Variants in TRPM3 observed in about 807,000 individuals in gnomAD.
The protein encoded by TRPM3 is transient receptor potential cation channel subfamily M member 3, also known as long transient receptor potential channel 3.
TRPM3 carries 77 observed loss-of-function variants against 181.2 expected under a neutral mutation model. The observed-to-expected ratio is 0.42, with a 90% CI of 0.35 to 0.51. The LOEUF is 0.51. Among genes scored for constraint, TRPM3 ranks in the 20% least tolerant of loss-of-function variants. TRPM3 has a pLI of 0.01. For synonymous variants in TRPM3, 745 were observed against 796.4 expected (o/e 0.94, Z 1.09); for missense variants, 1,759 against 2,196.7 (o/e 0.80, Z 3.98).
intron 1 of TRPM3, among the ~76,000 whole-genome samples, chr9:70,970,989 G>A (rs1253237000): frequency 2.0e-5 from 3 of 152,134 alleles, no homozygotes; most frequent in East Asian, 3.9e-4. Flanking sequence ...ACCAATCCAA[G>A]CCTAAACTGG....
intron 1 of TRPM3, among the ~76,000 whole-genome samples, chr9:71,106,256 T>C (rs1440269834): frequency 6.6e-6 from 1 of 152,196 alleles, no homozygotes; most frequent in Non-Finnish European, 1.5e-5. Flanking sequence ...TGATATGATT[T>C]GGATATTTGT....
chr9:71,358,216 A>G (rs2091988598), intron 1 of TRPM3, among the ~76,000 whole-genome samples: 2 of 152,184 alleles, frequency 1.3e-5, no homozygotes, highest in African/African-American at 4.8e-5. Context: ...TTTGCTATCA[A>G]TCATAATCAT....
In TRPM3 at chr9:70,784,107, G is replaced by A. The variant is rs763120705; in HGVS notation, c.1146C>T (p.Gly382=). 14 of 1,612,256 alleles carry A rather than the reference G, an allele frequency of 8.7e-6. No homozygotes were observed. The highest frequency in any genetic ancestry group is 1.1e-5 in the South Asian group (1 of 90,926). The part of the protein sequence containing the change: ...LAFGHKYSEE[G]GLINESLRDQ... Reference sequence around the variant, plus strand: ...ATGGGGCCTGGAAAGTTACCTACCCGCCTTCTTCTGAGTATTTATGCCCAA... The same window carrying A: ...ATGGGGCCTGGAAAGTTACCTACCCACCTTCTTCTGAGTATTTATGCCCAA... The change falls in exon 7 of 26, where the codon GGC becomes GGT. Residue 382 remains glycine, a splice_region_variant and synonymous_variant. Transcript: ENST00000677713.
intron 9 of TRPM3, among the ~76,000 whole-genome samples, chr9:70,644,733 AG>A (rs2133660026): frequency 6.6e-6 from 1 of 152,318 alleles, no homozygotes; most frequent in East Asian, 1.9e-4. Flanking sequence ...GAAAGAAATA[AG>A]GGGTATTCAA....
chr9:71,228,902 C>G (rs2080867974), intron 1 of TRPM3, among the ~76,000 whole-genome samples: 1 of 152,042 alleles, frequency 6.6e-6, no homozygotes, highest in Admixed American at 6.6e-5. Flanking sequence ...CAAACACAAT[C>G]TAAAGATTCA....
chr9:70,848,216 T>C (rs1384407396), intron 3 of TRPM3, among the ~76,000 whole-genome samples: 1 of 152,144 alleles, frequency 6.6e-6, no homozygotes, highest in Non-Finnish European at 1.5e-5. Flanking sequence ...GAACTTCTAG[T>C]AATTAAAATG....
chr9:71,268,636 C>T (rs2083555235), intron 1 of TRPM3, among the ~76,000 whole-genome samples: 1 of 151,728 alleles, frequency 6.6e-6, no homozygotes, highest in Non-Finnish European at 1.5e-5. Flanking sequence ...ACCAGCCTTG[C>T]CAACATGGTG....
chr9:70,905,086 T>C (rs921119866), intron 1 of TRPM3, among the ~76,000 whole-genome samples: 2 of 152,202 alleles, frequency 1.3e-5, no homozygotes, highest in African/African-American at 4.8e-5. Context: ...ATGACTCCCA[T>C]CAATCATGGA....
chr9:71,029,235 C>T (rs1339266379), intron 1 of TRPM3, among the ~76,000 whole-genome samples: 1 of 152,170 alleles, frequency 6.6e-6, no homozygotes, highest in Non-Finnish European at 1.5e-5. Context: ...TATCCAAATT[C>T]ACAGACCTAA....
intron 1 of TRPM3, among the ~76,000 whole-genome samples, chr9:71,249,730 C>T (rs2082232360): frequency 6.6e-6 from 1 of 152,070 alleles, no homozygotes. Flanking sequence ...TCCCAAAGAC[C>T]TTCTCTTTAG....
At chr9:70,686,376 T>C (rs533039376) in intron 8 of TRPM3, among the ~76,000 whole-genome samples, 1 of 152,370 alleles carries the variant, frequency 6.6e-6, no homozygotes, top group East Asian at 1.9e-4. Flanking sequence ...TATATGCACA[T>C]GGGTGAGTAT....
At chr9:70,819,653 T>C (rs1187154485) in intron 6 of TRPM3, among the ~76,000 whole-genome samples, 2 of 152,306 alleles carry the variant, frequency 1.3e-5, no homozygotes, top group East Asian at 3.9e-4. Flanking sequence ...TCAATTAATA[T>C]TGCAAAATAG....
In TRPM3 at chr9:71,272,778, A is replaced by G. The variant is rs148510737; in HGVS notation, c.183+173875T>C. On this transcript the variant is annotated intron_variant, in intron 1 of 24. Coordinates refer to the TRPM3 transcript ENST00000357533. ...ATTACTTATATTTATGCCCTATGTA[A>G]AAAGAACTCAAATGCATAATTCTAG... Among the ~76,000 whole-genome samples the G allele has an allele frequency of 5.3e-4, 80 of 152,242 alleles. 1 individual carries two copies. The East Asian group carries it at 0.011, about 21-fold the overall frequency.
chr9:70,536,854 T>C lies in TRPM3; in HGVS notation c.4259A>G (p.Asp1420Gly). The change falls in exon 26 of 26, where the codon GAT becomes GGT. Residue 1420 changes from aspartate (D) to glycine (G), a missense_variant. Asp to Gly is a moderately conservative substitution (Grantham distance 94). Transcript: ENST00000677713. ...AGGGTCTATATCACAGTGGAGCTCA[T>C]CCATAGCAGAGACATAGATGTCTAT... The part of the protein sequence containing the change: ...SCIDIYVSAM[D>G]ELHCDIDPLD... The C allele has an allele frequency of 6.2e-7, 1 of 1,614,168 alleles. No individual in the cohort carries two copies. The highest frequency in any genetic ancestry group is 1.1e-5 in the South Asian group (1 of 91,078).
intron 1 of TRPM3, among the ~76,000 whole-genome samples, chr9:71,357,696 G>A (rs1324423510): frequency 6.6e-6 from 1 of 150,486 alleles, no homozygotes; most frequent in Non-Finnish European, 1.5e-5. Flanking sequence ...TTCTAAGTAG[G>A]TCTAACTGCA....
intron 1 of TRPM3, among the ~76,000 whole-genome samples, chr9:71,385,298 G>T (rs2092900266): frequency 6.6e-6 from 1 of 151,990 alleles, no homozygotes; most frequent in Non-Finnish European, 1.5e-5. Flanking sequence ...TAACTATTTA[G>T]AAAAAAGAAC....
chr9:71,026,477 C>T (rs765348282), intron 1 of TRPM3, among the ~76,000 whole-genome samples: 6 of 152,188 alleles, frequency 3.9e-5, no homozygotes, highest in Non-Finnish European at 5.9e-5. Flanking sequence ...TTCATGTACT[C>T]GCCCATGGCC....
At chr9:71,353,320 A>G (rs1004402321) in intron 1 of TRPM3, among the ~76,000 whole-genome samples, 2 of 152,076 alleles carry the variant, frequency 1.3e-5, no homozygotes, top group Non-Finnish European at 2.9e-5. Context: ...TCCCTTGATT[A>G]CATTATTTCC....
chr9:71,080,207 T>TAAATAAAA (rs1396432862), intron 1 of TRPM3, among the ~76,000 whole-genome samples: 2 of 145,846 alleles, frequency 1.4e-5, no homozygotes, highest in South Asian at 4.4e-4. Context: ...AATAAATAAA[T>TAAATAAAA]AAAATAAAAA....
Sources: allele counts gnomAD v4.1 joint callset (sites outside exome capture counted in the v4.1 genomes callset), GRCh38; gene constraint gnomAD v4.1.1; transcripts MANE v1.5; gene names NCBI Gene and HGNC (gene_info 2026-07-23, HGNC 2026-07-21).